GALNT7: variants seen among roughly 807,000 people sequenced by gnomAD.
The protein encoded by GALNT7 is polypeptide N-acetylgalactosaminyltransferase 7.
GALNT7 carries 60 observed loss-of-function variants against 82.1 expected under a neutral mutation model. The ratio of observed to expected loss-of-function variants is 0.73; its 90% CI spans 0.59 to 0.91. GALNT7 has a LOEUF of 0.91. Among genes scored for constraint, GALNT7 ranks in the 40% least tolerant of loss-of-function variants. The pLI, the probability that GALNT7 is intolerant of heterozygous loss-of-function variation, is 0.00. For synonymous variants in GALNT7, 243 were observed against 275.1 expected, an observed-to-expected ratio of 0.88 and a Z score of 1.15; for missense variants, 660 against 804.2, an observed-to-expected ratio of 0.82 and a Z score of 2.17.
At chr4:173,169,013 G>C in intron 1 of GALNT7, 52 bp downstream of exon 1, 1 of 1,593,254 alleles carries the variant, frequency 6.3e-7, no homozygotes. Flanking sequence ...AACTTGTTTT[G>C]TTTGCCCGCG....
chr4:173,178,801 A>C (rs1732157865), intron 1 of GALNT7, among the ~76,000 whole-genome samples: 1 of 152,250 alleles, frequency 6.6e-6, no homozygotes, highest in East Asian at 1.9e-4. Context: ...AATACCAACT[A>C]GTCTGCGAAT....
chr4:173,308,877 T>G (rs1238281036), intron 8 of GALNT7, among the ~76,000 whole-genome samples: 1 of 152,198 alleles, frequency 6.6e-6, no homozygotes, highest in Non-Finnish European at 1.5e-5. Context: ...CACTCCAGCC[T>G]GGGCAACAGA....
intron 2 of GALNT7, among the ~76,000 whole-genome samples, chr4:173,276,160 T>C (rs1735900268): frequency 6.6e-6 from 1 of 152,204 alleles, no homozygotes; most frequent in Admixed American, 6.5e-5. Context: ...CAGTGGGTAA[T>C]GTTCTGTGAT....
intron 1 of GALNT7, among the ~76,000 whole-genome samples, chr4:173,172,650 C>G (rs1731914355): frequency 6.6e-6 from 1 of 152,140 alleles, no homozygotes; most frequent in African/African-American, 2.4e-5. Flanking sequence ...CCTACTCTGA[C>G]TTTTGAGGCG....
At chr4:173,254,835 G>A (rs973975338) in intron 2 of GALNT7, among the ~76,000 whole-genome samples, 1 of 152,164 alleles carries the variant, frequency 6.6e-6, no homozygotes, top group African/African-American at 2.4e-5. Context: ...TGGACATGTT[G>A]CTTACTGACC....
chr4:173,303,973 C>T (rs1737052621), intron 7 of GALNT7, 23 bp from the exon 8 acceptor site: 2 of 1,585,978 alleles, frequency 1.3e-6, no homozygotes, highest in African/African-American at 2.7e-5. Context: ...AAACAACTTT[C>T]ACAACGTGTT....
chr4:173,257,845 T>TA (rs1425409070), intron 2 of GALNT7, among the ~76,000 whole-genome samples: 1 of 152,220 alleles, frequency 6.6e-6, no homozygotes, highest in African/African-American at 2.4e-5. Context: ...TCCACATTCT[T>TA]AAGACCCTGG....
intron 1 of GALNT7, among the ~76,000 whole-genome samples, chr4:173,178,948 T>C (rs896949178): frequency 1.1e-4 from 17 of 152,214 alleles, no homozygotes; most frequent in Non-Finnish European, 2.1e-4. Context: ...ATTTTAATTT[T>C]TACCAATTCC....
intron 1 of GALNT7, among the ~76,000 whole-genome samples, chr4:173,189,676 A>G (rs970012453): frequency 6.6e-6 from 1 of 152,180 alleles, no homozygotes; most frequent in Admixed American, 6.5e-5. Context: ...TCTTTTGGCA[A>G]CTCCCTGCAG....
rs1220097555 is a variant in GALNT7 at position 173,292,756 on chromosome 4, A to G, written c.754+482A>G. Reference sequence around the variant, plus strand: ...GCACGAATAAATAGAAATATGGCCTATTTTTCCTTTCATCTCTGTGCAGCT... The same window carrying G: ...GCACGAATAAATAGAAATATGGCCTGTTTTTCCTTTCATCTCTGTGCAGCT... On this transcript the variant is annotated intron_variant, in intron 3 of 11. Transcript: ENST00000265000. The surrounding 1 kb of genome is among the most constrained non-coding windows in gnomAD (Gnocchi z 4.8). Among the ~76,000 whole-genome samples, 4 of 151,958 alleles carry G rather than the reference A, an allele frequency of 2.6e-5. No individual in the cohort carries two copies. The highest frequency in any genetic ancestry group is 2.1e-4 in the South Asian group (1 of 4,816).
At chr4:173,300,454 A>G (rs1312117747) in intron 6 of GALNT7, among the ~76,000 whole-genome samples, 5 of 152,224 alleles carry the variant, frequency 3.3e-5, no homozygotes, top group Non-Finnish European at 7.3e-5. Flanking sequence ...GAGATCAGGA[A>G]AGGCCCTTCT....
chr4:173,265,396 A>G (rs143271157), intron 2 of GALNT7, among the ~76,000 whole-genome samples: 2 of 152,212 alleles, frequency 1.3e-5, no homozygotes, highest in South Asian at 2.1e-4. Flanking sequence ...ATATACATTC[A>G]TGACTTTTAG....
intron 1 of GALNT7, among the ~76,000 whole-genome samples, chr4:173,204,110 CTTGG>C (rs1177762093): frequency 6.6e-6 from 1 of 152,154 alleles, no homozygotes; most frequent in Non-Finnish European, 1.5e-5. Flanking sequence ...GTACAGTATT[CTTGG>C]TTGGTGATTT....
rs142100935 is a variant in GALNT7, at chr4:173,263,882, A to G, written c.587+15442A>G. On this transcript the variant is annotated intron_variant, in intron 2 of 11. Transcript: ENST00000265000. ...ATAAACACATCATAAAATAAGATCA[A>G]TGGTATTTACATGATGAATACCTGT... is the stretch of plus-strand genomic sequence containing the variant. Among the ~76,000 whole-genome samples, 236 of 152,328 alleles carry G rather than the reference A, an allele frequency of 1.5e-3. 1 individual carries two copies. The highest frequency in any genetic ancestry group is 5.5e-3 in the African/African-American group (230 of 41,564).
At position 173,274,776 on chromosome 4, in the gene GALNT7, A is replaced by G. The variant is rs558419648; in HGVS notation, c.588-17332A>G. ...AGCAAAATCACCATTTATTTGGCTT[A>G]AATACTATCTACTCTGCTAGAATTT... On this transcript the variant is annotated intron_variant, in intron 2 of 11. Coordinates refer to ENST00000265000, the MANE Select transcript of GALNT7 (RefSeq NM_017423.3). Among the ~76,000 whole-genome samples, 7 of 152,350 alleles carry G rather than the reference A, an allele frequency of 4.6e-5. No individual in the cohort carries two copies. In the South Asian group the frequency reaches 1.2e-3, roughly 27 times the overall value.
At chr4:173,277,129 T>C (rs143434200) in intron 2 of GALNT7, among the ~76,000 whole-genome samples, 1 of 152,202 alleles carries the variant, frequency 6.6e-6, no homozygotes, top group Non-Finnish European at 1.5e-5. Context: ...TACAAAAATA[T>C]CAAGTGTAGC....
intron 2 of GALNT7, among the ~76,000 whole-genome samples, chr4:173,285,125 CT>C (rs1359690575): frequency 6.6e-6 from 1 of 152,152 alleles, no homozygotes; most frequent in Non-Finnish European, 1.5e-5. Flanking sequence ...TTTATTTTAT[CT>C]AATTTAAGAC....
rs114782933 is a variant in GALNT7, at chr4:173,249,644, G to A, written c.587+1204G>A. On this transcript the variant is annotated intron_variant, in intron 2 of 11. Coordinates refer to ENST00000265000, the MANE Select transcript of GALNT7 (RefSeq NM_017423.3). ...GATTTAGCAAATAAAAATACAAGAT[G>A]CCCAATTAAATTTGAATTTCAGATA... is the stretch of plus-strand genomic sequence containing the variant. Among the ~76,000 whole-genome samples the A allele has an allele frequency of 7.3e-3, 1,116 of 152,238 alleles. 14 individuals are homozygous for A. The highest frequency in any genetic ancestry group is 0.025 in the African/African-American group (1,033 of 41,552).
chr4:173,239,422 A>G (rs1244114035), intron 1 of GALNT7, among the ~76,000 whole-genome samples: 5 of 152,206 alleles, frequency 3.3e-5, no homozygotes, highest in African/African-American at 1.2e-4. Flanking sequence ...ACACACAGAT[A>G]AATAATACAC....
Sources: allele counts gnomAD v4.1 joint callset (sites outside exome capture counted in the v4.1 genomes callset), GRCh38; gene constraint gnomAD v4.1.1; non-coding constraint Gnocchi (gnomAD v3.1); transcripts MANE v1.5; gene names NCBI Gene and HGNC (gene_info 2026-07-23, HGNC 2026-07-21).